ABTB3: variants seen among roughly 807,000 people sequenced by gnomAD.
ABTB3 encodes the protein ankyrin repeat and BTB domain containing 3, also known as ankyrin repeat- and BTB/POZ domain-containing protein 3.
the ABTB3 span, among the ~76,000 whole-genome samples, chr12:107,482,968 CTTTCTTTCTTTCTTTCT>C: frequency 2.9e-5 from 2 of 69,916 alleles, no homozygotes; most frequent in African/African-American, 1.3e-4. Context: ...TTCTTTCTTT[CTTTCTTTCTTTCTTTCT>C]TTCCTTCCTT....
At chr12:107,390,503 G>A in the ABTB3 span, among the ~76,000 whole-genome samples, 2 of 152,172 alleles carry the variant, frequency 1.3e-5, no homozygotes, top group African/African-American at 4.8e-5. Flanking sequence ...TATTAAACAA[G>A]CCAAAAAATA....
At chr12:107,344,641 C>A in the ABTB3 span, among the ~76,000 whole-genome samples, 1 of 152,170 alleles carries the variant, frequency 6.6e-6, no homozygotes, top group African/African-American at 2.4e-5. Flanking sequence ...ATGGCTGACA[C>A]CTTTGTCATG....
At chr12:107,449,812 AT>A in the ABTB3 span, among the ~76,000 whole-genome samples, 18 of 149,782 alleles carry the variant, frequency 1.2e-4, no homozygotes, top group Admixed American at 2.0e-4. Context: ...ACACTGGCTA[AT>A]TTTTTTTTTC....
the ABTB3 span, among the ~76,000 whole-genome samples, chr12:107,384,707 T>C: frequency 6.6e-6 from 1 of 152,104 alleles, no homozygotes; most frequent in African/African-American, 2.4e-5. Flanking sequence ...CCACACCAAC[T>C]AGTCATTGGA....
chr12:107,621,453 A>G, the ABTB3 span, among the ~76,000 whole-genome samples: 1 of 152,096 alleles, frequency 6.6e-6, no homozygotes, highest in African/African-American at 2.4e-5. Flanking sequence ...TCTGGGTTCT[A>G]TCGTTTTGAG....
the ABTB3 span, chr12:107,651,577 G>A: frequency 1.3e-6 from 1 of 749,608 alleles, no homozygotes; most frequent in Non-Finnish European, 2.3e-6. Context: ...TGCTGTGGAA[G>A]GTGAAGATGA....
chr12:107,534,536 A>G, the ABTB3 span, among the ~76,000 whole-genome samples: 1 of 152,216 alleles, frequency 6.6e-6, no homozygotes, highest in Non-Finnish European at 1.5e-5. Flanking sequence ...AACAAAATTG[A>G]CAAACCTTTA....
the ABTB3 span, among the ~76,000 whole-genome samples, chr12:107,519,585 T>C: frequency 4.6e-5 from 7 of 152,202 alleles, no homozygotes; most frequent in Non-Finnish European, 1.0e-4. Flanking sequence ...CCCAAATTGC[T>C]GGGATTATGG....
chr12:107,435,427 C>T, the ABTB3 span, among the ~76,000 whole-genome samples: 2 of 152,222 alleles, frequency 1.3e-5, no homozygotes, highest in Non-Finnish European at 2.9e-5. Flanking sequence ...TTTGACCATA[C>T]TTAACATATT....
the ABTB3 span, among the ~76,000 whole-genome samples, chr12:107,475,806 T>G: frequency 5.8e-4 from 88 of 152,186 alleles, no homozygotes; most frequent in East Asian, 0.016. Context: ...CCTTATCTGT[T>G]CTTTGGTCCT....
chr12:107,442,973 C>T, the ABTB3 span, among the ~76,000 whole-genome samples: 2 of 152,170 alleles, frequency 1.3e-5, no homozygotes, highest in South Asian at 4.1e-4. Flanking sequence ...TAGAGCGCAC[C>T]TTCTTGCTGT....
the ABTB3 span, among the ~76,000 whole-genome samples, chr12:107,456,840 A>G: frequency 6.6e-6 from 1 of 150,890 alleles, no homozygotes; most frequent in Non-Finnish European, 1.5e-5. Flanking sequence ...GCATGTGGCC[A>G]CTTCAGTAGT....
chr12:107,325,102 G>A, the ABTB3 span, among the ~76,000 whole-genome samples: 4 of 152,370 alleles, frequency 2.6e-5, no homozygotes, highest in East Asian at 5.8e-4. Flanking sequence ...GATTATTCAG[G>A]CTGGAGATAA....
At chr12:107,582,751 A>G in the ABTB3 span, among the ~76,000 whole-genome samples, 1 of 152,160 alleles carries the variant, frequency 6.6e-6, no homozygotes, top group Non-Finnish European at 1.5e-5. Flanking sequence ...CTCTAAGTCC[A>G]GCCTCTGCCA....
At chr12:107,561,777 C>G in the ABTB3 span, among the ~76,000 whole-genome samples, 2 of 152,178 alleles carry the variant, frequency 1.3e-5, no homozygotes, top group Non-Finnish European at 2.9e-5. Context: ...CTTACTCCCC[C>G]CTCTTACTCC....
At chr12:107,585,374 C>T in the ABTB3 span, among the ~76,000 whole-genome samples, 1 of 152,154 alleles carries the variant, frequency 6.6e-6, no homozygotes, top group African/African-American at 2.4e-5. Context: ...TAGAATGGGA[C>T]TCAGGAGGCC....
At chr12:107,488,802 G>T in the ABTB3 span, among the ~76,000 whole-genome samples, 4 of 151,956 alleles carry the variant, frequency 2.6e-5, 1 homozygote, top group Admixed American at 2.0e-4. Context: ...AGAGGAATTG[G>T]GCAGGATAAC....
the ABTB3 span, among the ~76,000 whole-genome samples, chr12:107,554,073 G>A: frequency 6.6e-6 from 1 of 152,158 alleles, no homozygotes; most frequent in African/African-American, 2.4e-5. Context: ...CATTTGATGA[G>A]CGTCTACTAT....
chr12:107,500,166 A>G, the ABTB3 span, among the ~76,000 whole-genome samples: 1 of 152,110 alleles, frequency 6.6e-6, no homozygotes, highest in African/African-American at 2.4e-5. Context: ...CCCTGGTAGG[A>G]CAAGCTCTAT....
Sources: allele counts gnomAD v4.1 joint callset (sites outside exome capture counted in the v4.1 genomes callset), GRCh38; gene constraint gnomAD v4.1.1; transcripts MANE v1.5; gene names NCBI Gene and HGNC (gene_info 2026-07-23, HGNC 2026-07-21).